PDE4D: variants seen among roughly 807,000 people sequenced by gnomAD.
PDE4D encodes the protein 3',5'-cyclic-AMP phosphodiesterase 4D.
Under a neutral mutation model 87.4 loss-of-function variants are expected in PDE4D, and 24 were observed. The ratio of observed to expected loss-of-function variants is 0.27; its 90% CI spans 0.20 to 0.39. PDE4D has a LOEUF of 0.39. PDE4D is among the 10% of genes least tolerant of loss of function. PDE4D has a pLI of 1.00. For synonymous variants in PDE4D, 384 were observed against 383.2 expected (o/e 1.00, Z -0.02); for missense variants, 714 against 1,041.0 (o/e 0.69, Z 4.32).
At chr5:59,419,085 A>C (rs1475826443) in intron 1 of PDE4D, among the ~76,000 whole-genome samples, 2 of 152,202 alleles carry the variant, frequency 1.3e-5, no homozygotes, top group Non-Finnish European at 2.9e-5. Flanking sequence ...AGTGCTATGT[A>C]ATGTGAGTTC....
chr5:59,723,003 T>G (rs1055878881), intron 1 of PDE4D, among the ~76,000 whole-genome samples: 1 of 152,156 alleles, frequency 6.6e-6, no homozygotes, highest in African/African-American at 2.4e-5. Context: ...TTCAGCCTTC[T>G]TTATAAACTA....
chr5:60,186,117 G>C (rs775521584), intron 1 of PDE4D, among the ~76,000 whole-genome samples: 2 of 152,118 alleles, frequency 1.3e-5, no homozygotes, highest in African/African-American at 2.4e-5. Flanking sequence ...GTGAAGAAAA[G>C]AGCCCTCTGA....
chr5:60,052,636 G>A (rs774905286), intron 2 of PDE4D, among the ~76,000 whole-genome samples: 1 of 152,170 alleles, frequency 6.6e-6, no homozygotes, highest in Non-Finnish European at 1.5e-5. Flanking sequence ...CACAAGACAA[G>A]GATGTCCTCT....
intron 3 of PDE4D, chr5:59,987,324 A>G (rs1232774508): frequency 6.6e-6 from 1 of 152,216 alleles, no homozygotes; most frequent in African/African-American, 2.4e-5. Context: ...ATGTGTGTGC[A>G]TTCTTCTTTA....
intron 1 of PDE4D, among the ~76,000 whole-genome samples, chr5:60,402,699 A>C (rs540339847): frequency 2.6e-5 from 4 of 152,350 alleles, no homozygotes; most frequent in African/African-American, 9.6e-5. Context: ...AACTGGCTTC[A>C]TTCCAGGTGA....
chr5:59,978,690 TA>T (rs781516116), intron 3 of PDE4D, among the ~76,000 whole-genome samples: 3 of 152,186 alleles, frequency 2.0e-5, no homozygotes, highest in Admixed American at 1.3e-4. Context: ...CTACTATGGG[TA>T]AAATGCTGTC....
intron 1 of PDE4D, among the ~76,000 whole-genome samples, chr5:59,300,944 G>C (rs1402165295): frequency 6.6e-6 from 1 of 152,144 alleles, no homozygotes; most frequent in African/African-American, 2.4e-5. Flanking sequence ...ATGTTTGCTA[G>C]TTTATTATAA....
intron 1 of PDE4D, among the ~76,000 whole-genome samples, chr5:60,386,010 G>T (rs1292556844): frequency 6.6e-6 from 1 of 151,952 alleles, no homozygotes; most frequent in African/African-American, 2.4e-5. Flanking sequence ...AACAAGAAAG[G>T]ACTCTGCATA....
At chr5:60,315,113 G>GCA in intron 1 of PDE4D, among the ~76,000 whole-genome samples, 1 of 152,336 alleles carries the variant, frequency 6.6e-6, no homozygotes, top group East Asian at 1.9e-4. Context: ...CAGTGTAAAA[G>GCA]TGGTCCTATT....
chr5:60,003,632 C>A (rs1357356198), intron 2 of PDE4D, among the ~76,000 whole-genome samples: 1 of 150,846 alleles, frequency 6.6e-6, no homozygotes, highest in East Asian at 1.9e-4. Context: ...TTGCTTGAAC[C>A]TGGGAGGCAG....
At chr5:59,535,077 G>T (rs1015750340) in intron 1 of PDE4D, among the ~76,000 whole-genome samples, 3 of 24,386 alleles carry the variant, frequency 1.2e-4, no homozygotes, top group Non-Finnish European at 3.2e-4. Context: ...GTGTGTGTGT[G>T]GGGGGGGGGT....
intron 3 of PDE4D, among the ~76,000 whole-genome samples, chr5:59,913,140 G>A (rs936303152): frequency 6.6e-6 from 1 of 152,208 alleles, no homozygotes; most frequent in Non-Finnish European, 1.5e-5. Context: ...AATTTTCCAA[G>A]GGCATGAGGA....
chr5:60,234,964 G>C (rs1746258615), intron 1 of PDE4D, among the ~76,000 whole-genome samples: 1 of 151,782 alleles, frequency 6.6e-6, no homozygotes, highest in African/African-American at 2.4e-5. Flanking sequence ...TCTTGCTCTA[G>C]CCCTTCTCAA....
chr5:60,501,968 T>C (rs1750099481), intron 1 of PDE4D, among the ~76,000 whole-genome samples: 2 of 152,332 alleles, frequency 1.3e-5, no homozygotes, highest in African/African-American at 2.4e-5. Context: ...TTCACTCTGA[T>C]GGTAGTTTCT....
intron 4 of PDE4D, among the ~76,000 whole-genome samples, chr5:59,183,423 C>G (rs1249678397): frequency 2.0e-5 from 3 of 152,270 alleles, no homozygotes; most frequent in East Asian, 1.9e-4. Flanking sequence ...TAGAAACAGG[C>G]CTCAGATCGT....
At chr5:59,705,783 A>C (rs750965365) in intron 1 of PDE4D, among the ~76,000 whole-genome samples, 1 of 152,168 alleles carries the variant, frequency 6.6e-6, no homozygotes, top group Non-Finnish European at 1.5e-5. Context: ...GTTTGAGGGA[A>C]TCATGCTTGA....
chr5:59,469,151 C>T (rs1215103290), intron 1 of PDE4D, among the ~76,000 whole-genome samples: 3 of 152,090 alleles, frequency 2.0e-5, no homozygotes, highest in Non-Finnish European at 4.4e-5. Flanking sequence ...CACAGTGAAA[C>T]TCTGTCTCTA....
chr5:60,398,832 A>G (rs1763075066), intron 1 of PDE4D, among the ~76,000 whole-genome samples: 1 of 152,162 alleles, frequency 6.6e-6, no homozygotes, highest in South Asian at 2.1e-4. Context: ...AATGAGAAAC[A>G]GACTCAGAGG....
intron 1 of PDE4D, among the ~76,000 whole-genome samples, chr5:59,391,490 G>A (rs548282526): frequency 6.6e-6 from 1 of 152,120 alleles, no homozygotes. Flanking sequence ...ACAACAATGA[G>A]AAAGACCCTG....
Sources: allele counts gnomAD v4.1 joint callset (sites outside exome capture counted in the v4.1 genomes callset), GRCh38; gene constraint gnomAD v4.1.1; transcripts MANE v1.5; gene names NCBI Gene and HGNC (gene_info 2026-07-23, HGNC 2026-07-21).